PEAK1: variants seen among roughly 807,000 people sequenced by gnomAD.
The protein encoded by PEAK1 is pseudopodium enriched atypical kinase 1, also known as inactive tyrosine-protein kinase PEAK1.
Under a neutral mutation model 124.7 loss-of-function variants are expected in PEAK1, and 54 were observed. That is an observed-to-expected ratio of 0.43 (90% CI 0.35 to 0.54). The LOEUF is 0.54. PEAK1 is among the 20% of genes least tolerant of loss of function. The pLI, the probability that PEAK1 is intolerant of heterozygous loss-of-function variation, is 0.01. For missense variants in PEAK1, 2,046 were observed against 2,134.5 expected, an observed-to-expected ratio of 0.96 and a Z score of 0.82; for synonymous variants, 719 against 760.0, an observed-to-expected ratio of 0.95 and a Z score of 0.89.
At chr15:77,351,753 C>A (rs1406637100) in intron 2 of PEAK1, 2 of 985,246 alleles carry the variant, frequency 2.0e-6, no homozygotes. Flanking sequence ...CAGAGGTTCT[C>A]CAACAGGCCA....
chr15:77,416,332 C>T (rs2072882290), intron 1 of PEAK1, among the ~76,000 whole-genome samples: 1 of 152,190 alleles, frequency 6.6e-6, no homozygotes, highest in Non-Finnish European at 1.5e-5. Flanking sequence ...TTCAATCTTG[C>T]TCAATTCTAT....
chr15:77,280,979 G>A (rs2062638828), intron 5 of PEAK1, among the ~76,000 whole-genome samples: 2 of 152,066 alleles, frequency 1.3e-5, no homozygotes, highest in Admixed American at 6.6e-5. Context: ...GGCCAACATG[G>A]TGAAACCCCA....
chr15:77,208,889 T>C (rs2058780447), intron 6 of PEAK1, among the ~76,000 whole-genome samples: 1 of 152,202 alleles, frequency 6.6e-6, no homozygotes, highest in Admixed American at 6.5e-5. Flanking sequence ...AATATTTGTC[T>C]TTACCACCTC....
At chr15:77,418,611 A>C in intron 1 of PEAK1, 2 of 985,168 alleles carry the variant, frequency 2.0e-6, no homozygotes, top group Non-Finnish European at 2.4e-6. Context: ...ACCAAAGAGA[A>C]GTCCCAGGCA....
At chr15:77,236,996 C>G (rs2060153725) in intron 6 of PEAK1, among the ~76,000 whole-genome samples, 1 of 152,180 alleles carries the variant, frequency 6.6e-6, no homozygotes, top group Non-Finnish European at 1.5e-5. Context: ...CATGTGGAAC[C>G]ATGAGTCAAT....
intron 6 of PEAK1, chr15:77,239,953 A>G: frequency 4.1e-6 from 2 of 487,732 alleles, no homozygotes; most frequent in Non-Finnish European, 5.3e-6. Flanking sequence ...TACTATGACA[A>G]ATAGATGAGC....
intron 9 of PEAK1, among the ~76,000 whole-genome samples, chr15:77,122,050 G>A (rs894182276): frequency 2.0e-5 from 3 of 152,142 alleles, no homozygotes; most frequent in Non-Finnish European, 2.9e-5. Context: ...CTGCCTAGGA[G>A]GAGTATTGCT....
At chr15:77,404,108 T>C (rs546457144) in intron 1 of PEAK1, 1 of 985,104 alleles carries the variant, frequency 1.0e-6, no homozygotes, top group African/African-American at 1.7e-5. Context: ...AGTAGGCCTT[T>C]AGACAACTAC....
rs564055382 is a variant in PEAK1, at chr15:77,251,156, A to T, written c.-115+1211T>A. ...AGTAGAAATCCAATGATTAAGAGTT[A>T]TAATTGTTCACTAGGATTTCAAGTA... On this transcript the variant is annotated intron_variant, in intron 6 of 9. Transcript: ENST00000682557. Among the ~76,000 whole-genome samples, 9 of 152,362 alleles carry T rather than the reference A, an allele frequency of 5.9e-5. 1 individual carries two copies. The South Asian group carries it at 1.9e-3, about 32-fold the overall frequency.
chr15:77,133,656 T>C lies in PEAK1; in HGVS notation c.3426A>G (p.Gln1142=), dbSNP rs778437889. 4.3e-6 allele frequency: 7 copies of C among 1,614,050 alleles called. No individual in the cohort carries two copies. The African/African-American group carries it at 8.0e-5, about 18-fold the overall frequency. ...TAGGTTGGGAAGCATTGGGTGCTTC[T>C]TGGTCTGTTTTCCCTCCAAAGGCGA... ...DAIAFGGKTD[Q]EAPNASQPTP... The change falls in exon 9 of 10, where the codon CAA becomes CAG. Residue 1142 remains glutamine, a synonymous_variant. Coordinates refer to ENST00000682557, the MANE Select transcript of PEAK1 (RefSeq NM_001385026.1). This position sits in a 1 kb window ranked among gnomAD's most constrained non-coding sequence, Gnocchi z 4.2.
rs546686781 is a variant in PEAK1, at chr15:77,403,377, A to G, written c.-666+16629T>C. The G allele has an allele frequency of 2.6e-5, 24 of 921,114 alleles. 1 individual carries two copies. The South Asian group carries it at 1.2e-3, about 44-fold the overall frequency. The allele number at this position is 921,114 out of a possible 1,614,324, so 57.1% of individuals were successfully genotyped here. ...TATATTTATTTACAGCCAAGATATA[A>G]TGAATAAAATATTACGGGTAAGTAA... On this transcript the variant is annotated intron_variant, in intron 1 of 9. Coordinates refer to ENST00000682557, the MANE Select transcript of PEAK1 (RefSeq NM_001385026.1).
chr15:77,211,252 C>G (rs1361293625), intron 6 of PEAK1, among the ~76,000 whole-genome samples: 1 of 152,090 alleles, frequency 6.6e-6, no homozygotes, highest in East Asian at 1.9e-4. Context: ...CATATTACTT[C>G]GCAAGGCATG....
In PEAK1 at chr15:77,332,743, G is replaced by A. The variant is rs572583151; in HGVS notation, c.-603+32420C>T. The stretch of plus-strand genomic sequence containing the variant: ...TTACCAATCTGGTAGATTTTAAAAG[G>A]TACTTCATTTTTTTTTAACGGTACC... On this transcript the variant is annotated intron_variant, in intron 2 of 9. Transcript: ENST00000682557. Among the ~76,000 whole-genome samples the A allele has an allele frequency of 3.3e-5, 5 of 152,128 alleles. No homozygotes were observed. The East Asian group carries it at 7.7e-4, about 23-fold the overall frequency.
At chr15:77,231,772 A>G (rs1255217766) in intron 6 of PEAK1, among the ~76,000 whole-genome samples, 1 of 152,174 alleles carries the variant, frequency 6.6e-6, no homozygotes, top group Non-Finnish European at 1.5e-5. Flanking sequence ...TCATCTAATA[A>G]TATATTTTAA....
At chr15:77,221,946 C>CT (rs1281581122) in intron 6 of PEAK1, among the ~76,000 whole-genome samples, 5 of 152,110 alleles carry the variant, frequency 3.3e-5, no homozygotes, top group Middle Eastern at 3.4e-3. Context: ...TGATTCTCCT[C>CT]TATACTATAC....
chr15:77,383,012 G>C (rs1240333669), intron 1 of PEAK1, among the ~76,000 whole-genome samples: 1 of 143,876 alleles, frequency 7.0e-6, no homozygotes, highest in African/African-American at 2.5e-5. Flanking sequence ...AAATCAGTTT[G>C]TATCTCCTTT....
At chr15:77,281,629 A>T (rs2062678965) in intron 5 of PEAK1, among the ~76,000 whole-genome samples, 1 of 152,144 alleles carries the variant, frequency 6.6e-6, no homozygotes, top group Admixed American at 6.5e-5. Flanking sequence ...AAATAAAAAG[A>T]CCCAAGAGCA....
chr15:77,192,035 G>C (rs1160091945), intron 6 of PEAK1, among the ~76,000 whole-genome samples: 1 of 152,180 alleles, frequency 6.6e-6, no homozygotes, highest in Non-Finnish European at 1.5e-5. Flanking sequence ...TGAGACAGAT[G>C]ATGTCCGAAT....
intron 1 of PEAK1, chr15:77,402,168 G>GAAAAA: frequency 1.2e-5 from 10 of 865,484 alleles, no homozygotes; most frequent in African/African-American, 2.0e-5. Context: ...CTCCACCTCG[G>GAAAAA]AAAAAAAAAA....
Sources: gnomAD v4.1 joint callset for allele counts (sites outside exome capture counted in the v4.1 genomes callset) on GRCh38, gnomAD v4.1.1 for gene constraint, Gnocchi (gnomAD v3.1) non-coding constraint, MANE v1.5 for transcripts, NCBI Gene and HGNC (gene_info 2026-07-23, HGNC 2026-07-21) for gene names.